Variants in GYPC observed in about 807,000 individuals in gnomAD.
The protein encoded by GYPC is glycophorin-C.
Under a neutral mutation model 12.6 loss-of-function variants are expected in GYPC, and 14 were observed. That is an observed-to-expected ratio of 1.11 (90% CI 0.74 to 1.74). The LOEUF (loss-of-function observed/expected upper bound fraction) is 1.74. Ranked by LOEUF, GYPC falls within the 40% of genes most tolerant of loss-of-function variation. The pLI, the probability that GYPC is intolerant of heterozygous loss-of-function variation, is 0.00. For missense variants in GYPC, 225 were observed against 172.1 expected (o/e 1.31, Z -1.72); for synonymous variants, 78 against 62.1 (o/e 1.26, Z -1.20).
intron 1 of GYPC, among the ~76,000 whole-genome samples, chr2:126,685,334 A>G (rs1364346650): frequency 6.6e-6 from 1 of 150,734 alleles, no homozygotes; most frequent in Non-Finnish European, 1.5e-5. Flanking sequence ...CCCAAATCAG[A>G]TTTGCACAAA....
At chr2:126,684,889 T>G (rs1683242560) in intron 1 of GYPC, among the ~76,000 whole-genome samples, 1 of 152,174 alleles carries the variant, frequency 6.6e-6, no homozygotes, top group South Asian at 2.1e-4. Flanking sequence ...GTCTGACTTT[T>G]GCACCTCCCC....
Position 126,696,622 on chromosome 2 carries a change from T to C in GYPC, c.*480T>C. 1 of 247,054 alleles carries C rather than the reference T, an allele frequency of 4.0e-6. No individual in the cohort carries two copies. The highest frequency in any genetic ancestry group is 8.0e-6 in the Non-Finnish European group (1 of 124,356). 15.3% of individuals were successfully genotyped at this position (247,054 alleles called of 1,614,324 possible). ...AGCTAAAAGGTACCTTTGTCTGCCA[T>C]TGATCCAGCTCAGAACGATTGGAAA... On this transcript the variant is annotated 3_prime_UTR_variant, in exon 4 of 4. Transcript: ENST00000259254.
At chr2:126,681,978 G>A (rs189751050) in intron 1 of GYPC, among the ~76,000 whole-genome samples, 5 of 152,294 alleles carry the variant, frequency 3.3e-5, no homozygotes, top group African/African-American at 1.2e-4. Flanking sequence ...GTGACCCCAG[G>A]AGCATGGTGC....
At chr2:126,658,620 A>T (rs924027123) in intron 1 of GYPC, 1 of 152,284 alleles carries the variant, frequency 6.6e-6, no homozygotes, top group South Asian at 2.1e-4. Context: ...AGTAAAGTTA[A>T]CAGTGAATGA....
intron 1 of GYPC, among the ~76,000 whole-genome samples, chr2:126,676,182 G>A (rs936971811): frequency 1.3e-5 from 2 of 152,180 alleles, no homozygotes; most frequent in South Asian, 2.1e-4. Context: ...TTAAGCAAAG[G>A]TTTCTTGCCT....
At chr2:126,656,530 C>T (rs1368361722) in intron 1 of GYPC, among the ~76,000 whole-genome samples, 4 of 152,262 alleles carry the variant, frequency 2.6e-5, no homozygotes, top group African/African-American at 9.6e-5. Context: ...CGGACCCCTA[C>T]GCGCAGCCTC....
At chr2:126,673,827 T>A (rs1682919082) in intron 1 of GYPC, among the ~76,000 whole-genome samples, 1 of 152,130 alleles carries the variant, frequency 6.6e-6, no homozygotes, top group African/African-American at 2.4e-5. Flanking sequence ...CACATGCACA[T>A]GGGCACAGGC....
chr2:126,663,937 C>T (rs886662489), intron 1 of GYPC, among the ~76,000 whole-genome samples: 5 of 149,880 alleles, frequency 3.3e-5, no homozygotes, highest in Non-Finnish European at 5.9e-5. Context: ...AGCTGGGTCT[C>T]TCTAAGGTTC....
intron 1 of GYPC, among the ~76,000 whole-genome samples, chr2:126,664,342 C>T (rs1682623287): frequency 6.6e-6 from 1 of 152,058 alleles, no homozygotes; most frequent in South Asian, 2.1e-4. Flanking sequence ...CCTCTGGCAG[C>T]CCCAGGGAGG....
rs6568 is a variant in GYPC, at chr2:126,696,654, T to G, written c.*512T>G. 0.26 allele frequency: 56,681 copies of G among 220,446 alleles called. 8,457 individuals are homozygous for G. Among genetic ancestry groups the G allele is most frequent in the African/African-American group, 0.4 (17,541 of 43,510 alleles). 13.7% of individuals were successfully genotyped at this position (220,446 alleles called of 1,614,324 possible). A position where few individuals can be genotyped will look rare whatever the true frequency, so the allele number is the denominator to read the frequency against. On this transcript the variant is annotated 3_prime_UTR_variant, in exon 4 of 4. Coordinates refer to ENST00000259254, the MANE Select transcript of GYPC (RefSeq NM_002101.5). ...AGCTCAGAACGATTGGAAATAAATTTGAAATGTAACCGAGCATTCCGAGTC... is the reference window on the plus strand; with the variant it reads ...AGCTCAGAACGATTGGAAATAAATTGGAAATGTAACCGAGCATTCCGAGTC...
intron 1 of GYPC, among the ~76,000 whole-genome samples, chr2:126,689,700 A>G (rs953215708): frequency 3.9e-5 from 6 of 152,066 alleles, no homozygotes; most frequent in Non-Finnish European, 8.8e-5. Flanking sequence ...CGAATGTCAG[A>G]TCCCCTTCTG....
At chr2:126,677,481 GTGTGAGTCTGAGTGTGTGTAT>G (rs929735715) in intron 1 of GYPC, among the ~76,000 whole-genome samples, 4 of 118,148 alleles carry the variant, frequency 3.4e-5, no homozygotes, top group African/African-American at 1.5e-4. Context: ...GTGTGAGCAC[GTGTGAGTCTGAGTGTGTGTAT>G]GAGAGTGTGT....
chr2:126,660,952 G>A (rs1449780071), intron 1 of GYPC, among the ~76,000 whole-genome samples: 1 of 152,072 alleles, frequency 6.6e-6, no homozygotes. Context: ...TCTTGGCCTG[G>A]GGTTTTCTTC....
intron 1 of GYPC, among the ~76,000 whole-genome samples, chr2:126,665,422 G>A (rs28387108): frequency 0.29 from 43,701 of 152,106 alleles, 7,025 homozygotes; most frequent in East Asian, 0.55. Flanking sequence ...AGGTTCAGTC[G>A]TATCTCTGGT....
intron 1 of GYPC, among the ~76,000 whole-genome samples, chr2:126,659,263 C>T (rs534719680): frequency 9.8e-5 from 15 of 152,288 alleles, no homozygotes; most frequent in Admixed American, 3.9e-4. Context: ...GGGGAAGTGT[C>T]GGTTGATGCT....
At chr2:126,661,457 T>C (rs369867879) in intron 1 of GYPC, among the ~76,000 whole-genome samples, 45 of 121,554 alleles carry the variant, frequency 3.7e-4, no homozygotes, top group East Asian at 1.2e-3. Context: ...CTCTCTCTCT[T>C]TTTTTTTTTT....
In GYPC at chr2:126,696,228, C is replaced by T. The variant is rs1310704487; in HGVS notation, c.*86C>T. ...CATCGCCCAGCACCCCTGCTGATAC[C>T]ACCAGACAGAGAGAGAGAGCACTTG... On this transcript the variant is annotated 3_prime_UTR_variant, in exon 4 of 4. Coordinates refer to ENST00000259254, the MANE Select transcript of GYPC (RefSeq NM_002101.5). 1.2e-5 allele frequency: 11 copies of T among 953,308 alleles called. No homozygotes were observed. The highest frequency in any genetic ancestry group is 2.1e-4 in the Middle Eastern group (1 of 4,862). 59.1% of individuals were successfully genotyped at this position (953,308 alleles called of 1,614,324 possible). A position where few individuals can be genotyped will look rare whatever the true frequency, so the allele number is the denominator to read the frequency against.
At chr2:126,675,593 G>T in intron 1 of GYPC, 3 of 527,132 alleles carry the variant, frequency 5.7e-6, no homozygotes, top group Non-Finnish European at 7.3e-6. Context: ...CTAAACAATG[G>T]GCTCTCCTTT....
chr2:126,696,195 A>G lies in GYPC; in HGVS notation c.*53A>G. ...GCCTCCCCCATCTCCATCAGGAAAA[A>G]TACACCCCATCGCCCAGCACCCCTG... On this transcript the variant is annotated 3_prime_UTR_variant, in exon 4 of 4. Coordinates refer to ENST00000259254, the MANE Select transcript of GYPC (RefSeq NM_002101.5). The G allele has an allele frequency of 7.6e-7, 1 of 1,311,570 alleles. No homozygotes were observed. 81.2% of individuals were successfully genotyped at this position (1,311,570 alleles called of 1,614,324 possible).
Sources: allele counts gnomAD v4.1 joint callset (sites outside exome capture counted in the v4.1 genomes callset), GRCh38; gene constraint gnomAD v4.1.1; transcripts MANE v1.5; gene names NCBI Gene and HGNC (gene_info 2026-07-23, HGNC 2026-07-21).